Variants in OCLN observed in about 807,000 individuals in gnomAD.
The protein encoded by OCLN is occludin, also known as phosphatase 1, regulatory subunit 115.
In OCLN, 21 loss-of-function variants were observed where a neutral mutation model predicts 47.9. That is an observed-to-expected ratio of 0.44 (90% CI 0.31 to 0.63). The LOEUF is 0.63. Ranked by LOEUF, OCLN falls within the 30% of genes least tolerant of loss-of-function variation. The pLI is 0.08. For missense variants in OCLN, 360 were observed against 571.0 expected, an observed-to-expected ratio of 0.63 and a Z score of 3.77; for synonymous variants, 117 against 198.4, an observed-to-expected ratio of 0.59 and a Z score of 3.45.
In OCLN at chr5:69,509,147, G is replaced by A. The variant is rs370812139; in HGVS notation, c.57G>A (p.Pro19=). 3.7e-6 allele frequency: 6 copies of A among 1,613,664 alleles called. No homozygotes were observed. Among genetic ancestry groups the A allele is most frequent in the South Asian group, 2.2e-5 (2 of 91,068 alleles). The change falls in exon 3 of 9, where the codon CCG becomes CCA. Residue 19 remains proline, a synonymous_variant. Transcript: ENST00000396442. ...PPPYRPDEFK[P]NHYAPSNDIY... is the part of the protein sequence containing the mutation. ...ATTTTCATGTTCATTTCAGCAAACC[G>A]AATCATTATGCACCAAGCAATGACA...
At chr5:69,535,906 C>T (rs1769570075) in intron 5 of OCLN, among the ~76,000 whole-genome samples, 1 of 152,130 alleles carries the variant, frequency 6.6e-6, no homozygotes, top group Admixed American at 6.5e-5. Flanking sequence ...AGGTGGATCA[C>T]CTGAGGTCAG....
At chr5:69,504,137 A>C in intron 1 of OCLN, 40 bp from the exon 2 acceptor site, 1 of 792,126 alleles carries the variant, frequency 1.3e-6, no homozygotes, top group Admixed American at 1.9e-5. Context: ...AGAAACTGTG[A>C]GCTTAGTAGT....
chr5:69,521,269 C>T (rs555587705), intron 4 of OCLN, among the ~76,000 whole-genome samples: 1 of 152,268 alleles, frequency 6.6e-6, no homozygotes, highest in Admixed American at 6.5e-5. Flanking sequence ...AGCACATAGA[C>T]CTAATTGCTC....
Position 69,531,799 on chromosome 5 carries a change from G to A in OCLN, c.892-2895G>A, listed in dbSNP as rs913638979. On this transcript the variant is annotated intron_variant, in intron 4 of 8. Transcript: ENST00000396442. Reference sequence around the variant, plus strand: ...GGTAGGTAAATATCTTTCTGTATGTGATACTGCCTGGATACGTCAGGAGAG... The same window carrying A: ...GGTAGGTAAATATCTTTCTGTATGTAATACTGCCTGGATACGTCAGGAGAG... 2.6e-5 allele frequency among the ~76,000 whole-genome samples: 4 copies of A among 152,186 alleles called. No individual in the cohort carries two copies. In the East Asian group the frequency reaches 7.7e-4, roughly 29 times the overall value.
chr5:69,494,420 A>T (rs916168429), intron 1 of OCLN, among the ~76,000 whole-genome samples: 1 of 152,190 alleles, frequency 6.6e-6, no homozygotes, highest in African/African-American at 2.4e-5. Flanking sequence ...TCCTGACCTC[A>T]GGTGATTCGC....
intron 2 of OCLN, 51 bp from the exon 3 acceptor site, chr5:69,509,090 T>C: frequency 6.8e-7 from 1 of 1,470,910 alleles, no homozygotes; most frequent in Non-Finnish European, 9.5e-7. Flanking sequence ...GTGTTCTTTC[T>C]GCTTACTACC....
At chr5:69,516,943 C>T (rs1238568467) in intron 4 of OCLN, among the ~76,000 whole-genome samples, 1 of 152,022 alleles carries the variant, frequency 6.6e-6, no homozygotes, top group Non-Finnish European at 1.5e-5. Context: ...GCCTGTAGTC[C>T]CAGCTACTCA....
chr5:69,493,988 G>C lies in OCLN; in HGVS notation c.-69+1088G>C, dbSNP rs1211307615. ...TTGGGGAATTACCCTGCTCGAGGAG[G>C]AGGCGGCGGCTTTCCAGGCCAGTCA... On this transcript the variant is annotated intron_variant, in intron 1 of 8. Coordinates refer to ENST00000396442, the MANE Select transcript of OCLN (RefSeq NM_001205254.2). This position sits in a 1 kb window ranked among gnomAD's most constrained non-coding sequence, Gnocchi z 5.3. Among the ~76,000 whole-genome samples the C allele has an allele frequency of 2.6e-5, 4 of 152,354 alleles. No homozygotes were observed. The highest frequency in any genetic ancestry group is 9.6e-5 in the African/African-American group (4 of 41,598).
intron 2 of OCLN, among the ~76,000 whole-genome samples, chr5:69,504,916 C>G (rs769395347): frequency 1.3e-5 from 2 of 150,474 alleles, no homozygotes; most frequent in African/African-American, 2.4e-5. Flanking sequence ...GATCACGCCA[C>G]TGCACTCCAG....
At chr5:69,520,758 C>G (rs531010592) in intron 4 of OCLN, among the ~76,000 whole-genome samples, 4 of 152,242 alleles carry the variant, frequency 2.6e-5, no homozygotes, top group Non-Finnish European at 5.9e-5. Flanking sequence ...TCATAGCTCA[C>G]TGCAGCCTCA....
chr5:69,503,664 T>C (rs1475170188), intron 1 of OCLN, among the ~76,000 whole-genome samples: 1 of 152,180 alleles, frequency 6.6e-6, no homozygotes, highest in Non-Finnish European at 1.5e-5. Context: ...ATTAATACCA[T>C]GCATATTGTT....
chr5:69,497,555 T>C (rs914564134), intron 1 of OCLN, among the ~76,000 whole-genome samples: 4 of 152,060 alleles, frequency 2.6e-5, no homozygotes, highest in African/African-American at 9.6e-5. Flanking sequence ...GCCCAACTAA[T>C]TTTTGTATTT....
At chr5:69,515,632 G>T (rs1364899479) in intron 4 of OCLN, among the ~76,000 whole-genome samples, 1 of 151,508 alleles carries the variant, frequency 6.6e-6, no homozygotes, top group Non-Finnish European at 1.5e-5. Context: ...GCCGGGCGGG[G>T]GGCTGACCCC....
rs1768211311 is a variant in OCLN at position 69,493,748 on chromosome 5, G to A, written c.-69+848G>A. On this transcript the variant is annotated intron_variant, in intron 1 of 8. Coordinates refer to ENST00000396442, the MANE Select transcript of OCLN (RefSeq NM_001205254.2). The surrounding 1 kb of genome is among the most constrained non-coding windows in gnomAD (Gnocchi z 5.3). ...CGCCCAGCCGGGCCACGGAGTTTGG[G>A]GACCTCCGGGACTGGGCCGGCCCCG... Among the ~76,000 whole-genome samples the A allele has an allele frequency of 2.6e-5, 4 of 152,168 alleles. No individual in the cohort carries two copies. The South Asian group carries it at 8.3e-4, about 31-fold the overall frequency.
At chr5:69,498,580 C>T (rs1768368330) in intron 1 of OCLN, among the ~76,000 whole-genome samples, 1 of 152,056 alleles carries the variant, frequency 6.6e-6, no homozygotes, top group East Asian at 1.9e-4. Flanking sequence ...TGAGAGGTTG[C>T]TTCCAGGACC....
Position 69,514,046 on chromosome 5 carries a change from G to T in OCLN, c.828G>T (p.Lys276Asn), listed in dbSNP as rs777792383. The change falls in exon 4 of 9, where the codon AAG becomes AAT. Residue 276 changes from lysine (K) to asparagine (N), a missense_variant. Coordinates refer to ENST00000396442, the MANE Select transcript of OCLN (RefSeq NM_001205254.2). ...GAAGAAAGATGGACAGGTATGACAA[G>T]TCCAATATTTTGTGGGACAAGGAAC... ...KTRRKMDRYD[K>N]SNILWDKEHI... The T allele has an allele frequency of 6.2e-7, 1 of 1,614,056 alleles. No individual in the cohort carries two copies. Among genetic ancestry groups the T allele is most frequent in the South Asian group, 1.1e-5 (1 of 91,072 alleles).
At chr5:69,520,303 CTT>C (rs1188006043) in intron 4 of OCLN, among the ~76,000 whole-genome samples, 21 of 130,724 alleles carry the variant, frequency 1.6e-4, no homozygotes, top group Non-Finnish European at 1.5e-4. Context: ...CTATGGGGTA[CTT>C]TTTTTTTTTT....
At chr5:69,527,428 CAG>C (rs1281582886) in intron 4 of OCLN, among the ~76,000 whole-genome samples, 1 of 152,198 alleles carries the variant, frequency 6.6e-6, no homozygotes, top group Admixed American at 6.5e-5. Flanking sequence ...GCTTGTGGAA[CAG>C]GGGTCAGTCA....
rs112374417 is a variant in OCLN, at chr5:69,494,029, G to A, written c.-69+1129G>A. Among the ~76,000 whole-genome samples, 1,446 of 152,358 alleles carry A rather than the reference G, an allele frequency of 9.5e-3. 13 individuals carry two copies. The highest frequency in any genetic ancestry group is 0.014 in the Non-Finnish European group (926 of 68,028). ...AGGCCAGTCAGTGTGTGGCCCTTAGGCAACAGGTGTATTATTGGGATACCT... is the reference window on the plus strand; with the variant it reads ...AGGCCAGTCAGTGTGTGGCCCTTAGACAACAGGTGTATTATTGGGATACCT... On this transcript the variant is annotated intron_variant, in intron 1 of 8. Coordinates refer to ENST00000396442, the MANE Select transcript of OCLN (RefSeq NM_001205254.2).
Sources: gnomAD v4.1 joint callset for allele counts (sites outside exome capture counted in the v4.1 genomes callset) on GRCh38, gnomAD v4.1.1 for gene constraint, Gnocchi (gnomAD v3.1) non-coding constraint, MANE v1.5 for transcripts, NCBI Gene and HGNC (gene_info 2026-07-23, HGNC 2026-07-21) for gene names.